The following HIPK1 variants were observed in gnomAD, a reference collection of about 807,000 sequenced individuals.
HIPK1 encodes homeodomain interacting protein kinase 1.
Under a neutral mutation model 117.1 loss-of-function variants are expected in HIPK1, and 28 were observed. The ratio of observed to expected loss-of-function variants is 0.24; its 90% CI spans 0.18 to 0.33. HIPK1 has a LOEUF of 0.33. Ranked by LOEUF, HIPK1 falls within the 10% of genes least tolerant of loss-of-function variation. The probability of loss-of-function intolerance (pLI) is 1.00; values close to 1 mark genes in which losing one functional copy is unlikely to be tolerated. For synonymous variants in HIPK1, 605 were observed against 562.5 expected (o/e 1.08, Z -1.07); for missense variants, 1,122 against 1,475.1 (o/e 0.76, Z 3.92).
chr1:113,964,924 A>T (rs1488902753), intron 10 of HIPK1, among the ~76,000 whole-genome samples: 1 of 152,220 alleles, frequency 6.6e-6, no homozygotes, highest in Non-Finnish European at 1.5e-5. Context: ...TTTCTGCCTC[A>T]CATTGGAATG....
At chr1:113,938,678 G>A (rs1208132573) in intron 1 of HIPK1, among the ~76,000 whole-genome samples, 2 of 151,700 alleles carry the variant, frequency 1.3e-5, no homozygotes, top group African/African-American at 2.4e-5. Flanking sequence ...GGAGGGTGAG[G>A]GGGGTGGATC....
At position 113,941,643 on chromosome 1, in the gene HIPK1, T is replaced by A. The variant is rs1282264017; in HGVS notation, c.1076+184T>A. Reference sequence around the variant, plus strand: ...TATGACATTTATTTCTGAAATTTTATCTAGCACTGGAAAAATTAACTCAGT... The same window carrying A: ...TATGACATTTATTTCTGAAATTTTAACTAGCACTGGAAAAATTAACTCAGT... On this transcript the variant is annotated intron_variant, in intron 2 of 15. Transcript: ENST00000426820. The surrounding 1 kb of genome is among the most constrained non-coding windows in gnomAD (Gnocchi z 4.9). 3.9e-5 allele frequency among the ~76,000 whole-genome samples: 6 copies of A among 152,248 alleles called. No homozygotes were observed. The highest frequency in any genetic ancestry group is 7.3e-5 in the Non-Finnish European group (5 of 68,044).
At chr1:113,929,831 G>C in intron 1 of HIPK1, 1 of 987,666 alleles carries the variant, frequency 1.0e-6, no homozygotes, top group Non-Finnish European at 1.2e-6. Context: ...GGCCCGGGCC[G>C]GCTCGCGCGG....
chr1:113,933,421 T>A (rs1047012398), intron 1 of HIPK1, among the ~76,000 whole-genome samples: 1 of 152,146 alleles, frequency 6.6e-6, no homozygotes, highest in African/African-American at 2.4e-5. Flanking sequence ...GTAATCGTGG[T>A]CCAGATCTTG....
rs370550902 is a variant in HIPK1, at chr1:113,963,454, C to T, written c.2171C>T (p.Ala724Val). The T allele has an allele frequency of 5.6e-6, 9 of 1,614,172 alleles. No homozygotes were observed. Among genetic ancestry groups the T allele is most frequent in the Middle Eastern group, 1.6e-4 (1 of 6,062 alleles). The change falls in exon 10 of 16, where the codon GCG becomes GTG. Residue 724 changes from alanine (A) to valine (V), a missense_variant. By Grantham distance (64) the Ala-to-Val change is moderately conservative. Transcript: ENST00000426820. Reference protein sequence around the residue: ...PQVATITPQYAVPFTLSCAAG... With the variant: ...PQVATITPQYVVPFTLSCAAG... ...GTAGCCACCATCACACCGCAGTATG[C>T]GGTGCCCTTTACTCTGAGCTGCGCA...
intron 1 of HIPK1, among the ~76,000 whole-genome samples, chr1:113,936,684 C>T (rs916181076): frequency 4.6e-5 from 7 of 152,140 alleles, no homozygotes; most frequent in African/African-American, 7.2e-5. Context: ...AGGTTGGTCT[C>T]GAACTCCTGA....
At chr1:113,951,918 T>C (rs1671386816) in intron 2 of HIPK1, among the ~76,000 whole-genome samples, 2 of 150,772 alleles carry the variant, frequency 1.3e-5, no homozygotes, top group Non-Finnish European at 2.9e-5. Context: ...GGCATTTCTG[T>C]CATGAAGGGT....
In HIPK1 at chr1:113,941,522, A is replaced by T. The variant is rs1174491013; in HGVS notation, c.1076+63A>T. 3.2e-6 allele frequency: 4 copies of T among 1,244,646 alleles called. No homozygotes were observed. The highest frequency in any genetic ancestry group is 3.4e-6 in the Non-Finnish European group (3 of 877,366). 77.1% of individuals were successfully genotyped at this position (1,244,646 alleles called of 1,614,324 possible). A position where few individuals can be genotyped will look rare whatever the true frequency, so the allele number is the denominator to read the frequency against. On this transcript the variant is annotated intron_variant, in intron 2 of 15. Transcript: ENST00000426820. The surrounding 1 kb of genome is among the most constrained non-coding windows in gnomAD (Gnocchi z 4.9). ...AGTTCTGTCCTTATATTTAACATAT[A>T]CCCCGTAGGCTACATATAGCAATGA...
intron 2 of HIPK1, 37 bp from the exon 3 acceptor site, chr1:113,952,729 T>G: frequency 2.2e-6 from 3 of 1,385,266 alleles, no homozygotes; most frequent in South Asian, 1.7e-5. Context: ...AAATAATGTT[T>G]TTTTTTTTTT....
chr1:113,949,098 A>T (rs916778361), intron 2 of HIPK1, among the ~76,000 whole-genome samples: 2 of 152,186 alleles, frequency 1.3e-5, no homozygotes, highest in Non-Finnish European at 2.9e-5. Context: ...TTGGCCACCC[A>T]CAGTGCTAGG....
intron 14 of HIPK1, 25 bp downstream of exon 14, chr1:113,970,222 GT>G (rs1472030412): frequency 6.2e-7 from 1 of 1,612,410 alleles, no homozygotes; most frequent in East Asian, 2.2e-5. Context: ...CACAGCTTGA[GT>G]TGAATTCTCC....
intron 10 of HIPK1, 74 bp downstream of exon 10, chr1:113,963,595 T>C: frequency 2.0e-6 from 3 of 1,529,116 alleles, no homozygotes; most frequent in South Asian, 2.5e-5. Flanking sequence ...TTCCTGTTTG[T>C]TTTTGTTCTG....
Position 113,977,076 on chromosome 1 carries a change from G to C in HIPK1, c.*3564G>C, listed in dbSNP as rs1048332709. 2 of 152,770 alleles carry C rather than the reference G, an allele frequency of 1.3e-5. No individual in the cohort carries two copies. Among genetic ancestry groups the C allele is most frequent in the African/African-American group, 4.8e-5 (2 of 41,452 alleles). 9.5% of individuals were successfully genotyped at this position (152,770 alleles called of 1,614,324 possible). A position where few individuals can be genotyped will look rare whatever the true frequency, so the allele number is the denominator to read the frequency against. On this transcript the variant is annotated 3_prime_UTR_variant, in exon 16 of 16. Coordinates refer to ENST00000426820, the MANE Select transcript of HIPK1 (RefSeq NM_198268.3). ...TGCTCATCCATTGTCCTCCACTAGA[G>C]GGGCTAAGCTTGACTGCCCTTAGCC...
At chr1:113,956,986 C>T in intron 6 of HIPK1, 138 bp from the exon 7 acceptor site, 7 of 895,274 alleles carry the variant, frequency 7.8e-6, no homozygotes, top group Non-Finnish European at 1.2e-5. Context: ...TTTTTCTTCC[C>T]TATGATTATA....
intron 5 of HIPK1, among the ~76,000 whole-genome samples, chr1:113,956,127 T>C (rs1490067870): frequency 6.9e-6 from 1 of 144,174 alleles, no homozygotes; most frequent in Non-Finnish European, 1.5e-5. Context: ...CAGGCTGGAG[T>C]GCAGTGGCGT....
At position 113,976,323 on chromosome 1, in the gene HIPK1, T is replaced by A. The variant is rs1673133338; in HGVS notation, c.*2811T>A. On this transcript the variant is annotated 3_prime_UTR_variant, in exon 16 of 16. Transcript: ENST00000426820. ...CAACATGTGTGATCTTTGTGTCTCC[T>A]TTTTGCCAAGCACATTCTGATTTTC... The A allele has an allele frequency of 6.6e-6, 1 of 152,414 alleles. No individual in the cohort carries two copies. Among genetic ancestry groups the A allele is most frequent in the Non-Finnish European group, 1.5e-5 (1 of 68,050 alleles). 9.4% of individuals were successfully genotyped at this position (152,414 alleles called of 1,614,324 possible). A position where few individuals can be genotyped will look rare whatever the true frequency, so the allele number is the denominator to read the frequency against.
intron 2 of HIPK1, among the ~76,000 whole-genome samples, chr1:113,952,454 T>C (rs1671431617): frequency 6.6e-6 from 1 of 152,212 alleles, no homozygotes; most frequent in Non-Finnish European, 1.5e-5. Context: ...GCCAACTTAG[T>C]ATGACTGTTC....
chr1:113,945,032 A>G (rs999864148), intron 2 of HIPK1, among the ~76,000 whole-genome samples: 5 of 151,852 alleles, frequency 3.3e-5, no homozygotes, highest in Admixed American at 3.3e-4. Context: ...TATTTTTAGT[A>G]GAGACGGGGT....
At chr1:113,970,639 C>CT (rs1189791770) in intron 14 of HIPK1, among the ~76,000 whole-genome samples, 1 of 152,110 alleles carries the variant, frequency 6.6e-6, no homozygotes, top group Non-Finnish European at 1.5e-5. Flanking sequence ...AGCAGTGATG[C>CT]TTTTGATGGT....
Sources: allele counts gnomAD v4.1 joint callset (sites outside exome capture counted in the v4.1 genomes callset), GRCh38; gene constraint gnomAD v4.1.1; non-coding constraint Gnocchi (gnomAD v3.1); transcripts MANE v1.5; gene names NCBI Gene and HGNC (gene_info 2026-07-23, HGNC 2026-07-21).